HYDIN: variants seen among roughly 807,000 people sequenced by gnomAD.
HYDIN encodes axonemal central pair apparatus protein HYDIN.
HYDIN carries 132 observed loss-of-function variants against 403.9 expected under a neutral mutation model. That is an observed-to-expected ratio of 0.33 (90% CI 0.28 to 0.38). The LOEUF (loss-of-function observed/expected upper bound fraction) is 0.38. HYDIN is among the 10% of genes least tolerant of loss of function. The probability of loss-of-function intolerance (pLI) is 1.00; values close to 1 mark genes in which losing one functional copy is unlikely to be tolerated. For synonymous variants in HYDIN, 1,202 were observed against 1,891.7 expected (o/e 0.64, Z 9.46); for missense variants, 2,827 against 5,009.5 (o/e 0.56, Z 13.15).
intron 1 of HYDIN, among the ~76,000 whole-genome samples, chr16:71,210,601 C>G (rs2144730465): frequency 6.6e-6 from 1 of 151,964 alleles, no homozygotes; most frequent in East Asian, 1.9e-4. Flanking sequence ...ACATTCAACC[C>G]CCAAATCACG....
intron 60 of HYDIN, among the ~76,000 whole-genome samples, chr16:70,880,557 G>A (rs1442778894): frequency 3.9e-5 from 6 of 152,174 alleles, no homozygotes; most frequent in Non-Finnish European, 7.3e-5. Flanking sequence ...TCCCGGCCAC[G>A]TGATGTGTTC....
At chr16:71,169,547 T>C (rs72795716) in intron 5 of HYDIN, among the ~76,000 whole-genome samples, 122 of 152,342 alleles carry the variant, frequency 8.0e-4, no homozygotes, top group Non-Finnish European at 1.2e-3. Flanking sequence ...GCAATTATGC[T>C]AAGTAAAATA....
At chr16:70,898,905 G>A (rs752576295) in intron 53 of HYDIN, among the ~76,000 whole-genome samples, 7 of 151,656 alleles carry the variant, frequency 4.6e-5, no homozygotes, top group East Asian at 2.0e-4. Flanking sequence ...CACCACATCC[G>A]GCTAATTTTT....
chr16:71,145,256 A>C (rs77472992), intron 7 of HYDIN, among the ~76,000 whole-genome samples: 1 of 151,402 alleles, frequency 6.6e-6, no homozygotes, highest in African/African-American at 2.4e-5. Context: ...ATGAATGATT[A>C]ATTTTTTTTT....
At chr16:70,942,011 CTTTTT>C (rs143927561) in intron 42 of HYDIN, among the ~76,000 whole-genome samples, 192 bp from the exon 43 acceptor site, 5 of 93,406 alleles carry the variant, frequency 5.4e-5, no homozygotes, top group African/African-American at 1.4e-4. Flanking sequence ...ATCAGCCAGT[CTTTTT>C]TTTTTTTTTT....
chr16:70,826,740 T>A (rs1213435619), intron 83 of HYDIN, among the ~76,000 whole-genome samples: 3 of 147,556 alleles, frequency 2.0e-5, no homozygotes, highest in Non-Finnish European at 4.4e-5. Context: ...TCTCTCTCTC[T>A]CTCTCTGTGT....
chr16:70,819,512 AGACT>A (rs1230867562), intron 83 of HYDIN, among the ~76,000 whole-genome samples: 1 of 145,608 alleles, frequency 6.9e-6, no homozygotes, highest in Non-Finnish European at 1.5e-5. Flanking sequence ...AACCCAGGTT[AGACT>A]GACTCCAGAG....
chr16:70,808,059 C>T lies in HYDIN; in HGVS notation c.14887G>A (p.Asp4963Asn), dbSNP rs778045018. The T allele has an allele frequency of 7.5e-6, 12 of 1,603,552 alleles. No homozygotes were observed. Among genetic ancestry groups the T allele is most frequent in the Admixed American group, 1.7e-5 (1 of 59,370 alleles). Reference protein sequence around the residue: ...RQRTEYYCRTDCTDFHAEKLI... With the variant: ...RQRTEYYCRTNCTDFHAEKLI... ...TTTTCTGCGTGGAAGTCTGTACAGT[C>T]GGTCTGAAAGGGGAACAAACAAACT... Residue 4963 changes from aspartate to asparagine, a missense_variant, in exon 86 of 86, where the codon GAC becomes AAC. Physicochemically the swap from Asp to Asn is conservative, Grantham distance 23. Coordinates refer to ENST00000393567, the MANE Select transcript of HYDIN (RefSeq NM_001270974.2).
At chr16:70,969,164 T>C (rs1287220257) in intron 36 of HYDIN, among the ~76,000 whole-genome samples, 2 of 151,652 alleles carry the variant, frequency 1.3e-5, no homozygotes, top group Admixed American at 1.3e-4. Flanking sequence ...AAACAAAATA[T>C]GAGTGTCATT....
intron 1 of HYDIN, among the ~76,000 whole-genome samples, chr16:71,194,443 C>T (rs2087594170): frequency 6.6e-6 from 1 of 152,166 alleles, no homozygotes; most frequent in South Asian, 2.1e-4. Flanking sequence ...GTTTTCCTCT[C>T]AGAAAGAGCT....
chr16:70,875,947 C>G lies in HYDIN; in HGVS notation c.10558-1028G>C, dbSNP rs1018800096. Among the ~76,000 whole-genome samples, 69 of 152,224 alleles carry G rather than the reference C, an allele frequency of 4.5e-4. 1 individual carries two copies. The highest frequency in any genetic ancestry group is 1.1e-3 in the Admixed American group (17 of 15,280). On this transcript the variant is annotated intron_variant, in intron 62 of 85. Transcript: ENST00000393567. ...TAAAGCCACAATAATGGAAACGATG[C>G]AGGGTAATGGTAAACTAGGTAACCT...
intron 11 of HYDIN, among the ~76,000 whole-genome samples, chr16:71,092,236 T>C (rs1045050551): frequency 6.6e-6 from 1 of 152,168 alleles, no homozygotes; most frequent in Admixed American, 6.5e-5. Context: ...GTAAGTGAAA[T>C]GTGCTACCAT....
At chr16:70,812,320 T>G (rs932556370) in intron 84 of HYDIN, among the ~76,000 whole-genome samples, 20 of 148,856 alleles carry the variant, frequency 1.3e-4, no homozygotes, top group Middle Eastern at 3.4e-3. Flanking sequence ...TGAAACCCTG[T>G]CTCTACTAAA....
intron 8 of HYDIN, chr16:71,133,413 C>T (rs950150697): frequency 8.1e-6 from 3 of 372,232 alleles, no homozygotes; most frequent in Non-Finnish European, 1.6e-5. Context: ...TTGTATAAAC[C>T]CTAGGGAAGG....
At chr16:71,130,581 G>A (rs1482918020) in intron 8 of HYDIN, among the ~76,000 whole-genome samples, 447 of 140,044 alleles carry the variant, frequency 3.2e-3, no homozygotes, top group Non-Finnish European at 5.1e-3. Context: ...TCCGCTTCCC[G>A]GGTTCACGCC....
At chr16:71,130,470 G>T (rs1443385362) in intron 8 of HYDIN, among the ~76,000 whole-genome samples, 89 of 75,810 alleles carry the variant, frequency 1.2e-3, no homozygotes, top group African/African-American at 3.5e-3. Flanking sequence ...ATATATACCG[G>T]TTTTTTTTTT....
At chr16:70,890,373 A>G (rs1597235158) in intron 57 of HYDIN, among the ~76,000 whole-genome samples, 1 of 152,262 alleles carries the variant, frequency 6.6e-6, no homozygotes, top group Admixed American at 6.5e-5. Flanking sequence ...ACAAATAAAT[A>G]AAAACCAATG....
intron 59 of HYDIN, 57 bp downstream of exon 59, chr16:70,883,863 A>T (rs1301891226): frequency 1.3e-6 from 2 of 1,560,716 alleles, no homozygotes; most frequent in East Asian, 4.5e-5. Context: ...GAGCCACTGC[A>T]CCAGGTCTCA....
At chr16:71,159,778 AAATATATATAT>A (rs2085923743) in intron 6 of HYDIN, among the ~76,000 whole-genome samples, 1 of 152,076 alleles carries the variant, frequency 6.6e-6, no homozygotes, top group Non-Finnish European at 1.5e-5. Context: ...CTGAGGAAAA[AAATATATATAT>A]AATTGTTGGC....
Sources: allele counts gnomAD v4.1 joint callset (sites outside exome capture counted in the v4.1 genomes callset), GRCh38; gene constraint gnomAD v4.1.1; transcripts MANE v1.5; gene names NCBI Gene and HGNC (gene_info 2026-07-23, HGNC 2026-07-21).